The following SPHKAP variants were observed in gnomAD, a reference collection of about 807,000 sequenced individuals.
The protein encoded by SPHKAP is SPHK1 interactor, AKAP domain containing.
SPHKAP carries 67 observed loss-of-function variants against 137.5 expected under a neutral mutation model. That is an observed-to-expected ratio of 0.49 (90% CI 0.40 to 0.60). SPHKAP has a LOEUF of 0.60. Among genes scored for constraint, SPHKAP ranks in the 20% least tolerant of loss-of-function variants. The pLI, the probability that SPHKAP is intolerant of heterozygous loss-of-function variation, is 0.00. For synonymous variants in SPHKAP, 813 were observed against 785.3 expected, an observed-to-expected ratio of 1.04 and a Z score of -0.59; for missense variants, 2,097 against 2,069.3, an observed-to-expected ratio of 1.01 and a Z score of -0.26.
At chr2:228,031,865 A>G (rs1051085002) in intron 3 of SPHKAP, among the ~76,000 whole-genome samples, 1 of 152,226 alleles carries the variant, frequency 6.6e-6, no homozygotes, top group African/African-American at 2.4e-5. Context: ...AAGGACATCC[A>G]CACCAAAAAC....
intron 3 of SPHKAP, among the ~76,000 whole-genome samples, chr2:228,062,307 TACAG>T (rs1424257786): frequency 6.6e-6 from 1 of 152,100 alleles, no homozygotes; most frequent in African/African-American, 2.4e-5. Context: ...GTGTTTTTAG[TACAG>T]ACAGTGTTTC....
At chr2:227,981,912 C>T (rs1234586478) in intron 11 of SPHKAP, 52 bp from the exon 12 acceptor site, 2 of 1,562,556 alleles carry the variant, frequency 1.3e-6, no homozygotes, top group East Asian at 2.3e-5. Flanking sequence ...GTCCTCAAAG[C>T]CACCTCATTC....
chr2:228,119,863 C>G (rs1042731971), intron 2 of SPHKAP, among the ~76,000 whole-genome samples: 48 of 151,952 alleles, frequency 3.2e-4, no homozygotes, highest in African/African-American at 1.1e-3. Flanking sequence ...TATTATCCTC[C>G]TTTGACAAAA....
intron 1 of SPHKAP, chr2:228,132,559 G>A (rs888896872): frequency 8.9e-6 from 8 of 901,162 alleles, no homozygotes; most frequent in Non-Finnish European, 1.1e-5. Flanking sequence ...AGAAAATGCA[G>A]GTAATGTCTT....
At chr2:228,096,917 T>C (rs913544274) in intron 3 of SPHKAP, among the ~76,000 whole-genome samples, 1 of 152,074 alleles carries the variant, frequency 6.6e-6, no homozygotes, top group Non-Finnish European at 1.5e-5. Flanking sequence ...ATCCTGGGGG[T>C]GTCACTAGTC....
At chr2:228,167,926 G>A (rs1700466560) in intron 1 of SPHKAP, among the ~76,000 whole-genome samples, 1 of 152,050 alleles carries the variant, frequency 6.6e-6, no homozygotes, top group African/African-American at 2.4e-5. Flanking sequence ...AGTATAAAAT[G>A]TACCAACTGA....
At chr2:228,097,374 T>C (rs1028112875) in intron 3 of SPHKAP, among the ~76,000 whole-genome samples, 1 of 152,246 alleles carries the variant, frequency 6.6e-6, no homozygotes, top group African/African-American at 2.4e-5. Context: ...AATGTCCAGA[T>C]ACATAAAACA....
At chr2:228,014,677 C>T (rs1156806025) in intron 7 of SPHKAP, among the ~76,000 whole-genome samples, 1 of 152,166 alleles carries the variant, frequency 6.6e-6, no homozygotes, top group Admixed American at 6.5e-5. Context: ...ATGATGTCCT[C>T]TAATGGGGAG....
intron 3 of SPHKAP, among the ~76,000 whole-genome samples, chr2:228,038,291 T>C (rs1473532089): frequency 6.6e-6 from 1 of 152,122 alleles, no homozygotes. Flanking sequence ...TGAGGTGAGC[T>C]TGGAGGTCAG....
intron 7 of SPHKAP, among the ~76,000 whole-genome samples, chr2:227,997,690 G>T (rs1320942503): frequency 1.3e-5 from 2 of 152,080 alleles, no homozygotes; most frequent in African/African-American, 4.8e-5. Context: ...CTTTTTAGCT[G>T]GAGCTCTCTC....
At chr2:228,165,830 A>G (rs1205838616) in intron 1 of SPHKAP, among the ~76,000 whole-genome samples, 1 of 152,110 alleles carries the variant, frequency 6.6e-6, no homozygotes, top group Non-Finnish European at 1.5e-5. Flanking sequence ...CACCCCACCT[A>G]CCTTGAATGT....
chr2:228,016,321 TTA>T lies in SPHKAP; in HGVS notation c.4448+83_4448+84del, dbSNP rs1694588495. ...TTAGTTCTTGCACCAATCAAATCCT[TTA>T]TGTCTAAAATTTAGACTAAACACTG... On this transcript the variant is annotated intron_variant, in intron 7 of 11. Coordinates refer to ENST00000392056, the MANE Select transcript of SPHKAP (RefSeq NM_001142644.2). The T allele has an allele frequency of 8.1e-6, 12 of 1,486,186 alleles. 1 individual carries two copies. In the South Asian group the frequency reaches 1.7e-4, roughly 22 times the overall value. 92.1% of individuals were successfully genotyped at this position (1,486,186 alleles called of 1,614,324 possible). A position where few individuals can be genotyped will look rare whatever the true frequency, so the allele number is the denominator to read the frequency against.
chr2:227,981,973 A>G (rs1693012736), intron 11 of SPHKAP, 113 bp from the exon 12 acceptor site: 3 of 1,393,480 alleles, frequency 2.2e-6, no homozygotes, highest in Non-Finnish European at 1.9e-6. Context: ...AAATGTCTCT[A>G]GTGTCAGAGG....
At chr2:228,060,467 T>C (rs1429334063) in intron 3 of SPHKAP, among the ~76,000 whole-genome samples, 1 of 152,126 alleles carries the variant, frequency 6.6e-6, no homozygotes, top group Non-Finnish European at 1.5e-5. Flanking sequence ...AAATTTCCAT[T>C]TGGTTTAAAG....
chr2:228,082,473 G>A (rs543414248), intron 3 of SPHKAP, among the ~76,000 whole-genome samples: 20 of 152,182 alleles, frequency 1.3e-4, no homozygotes, highest in Non-Finnish European at 2.6e-4. Flanking sequence ...ATTAACAGGT[G>A]ATAAGTGGGC....
rs61752225 is a variant in SPHKAP at position 228,019,814 on chromosome 2, G to A, written c.1040C>T (p.Ser347Phe). The A allele has an allele frequency of 3.2e-3, 5,245 of 1,614,114 alleles. 25 individuals are homozygous for A. The highest frequency in any genetic ancestry group is 0.013 in the Middle Eastern group (79 of 6,062). ...AGAAGGTACATCTTTATCCATCATG[G>A]AGAAATAAGCATCTTTTGGAATATA... ...ALYIPKDAYF[S>F]MMDKDVPSAC... Residue 347 changes from serine to phenylalanine, a missense_variant, in exon 7 of 12, where the codon TCC becomes TTC. By Grantham distance (155) the Ser-to-Phe change is radical. Coordinates refer to ENST00000392056, the MANE Select transcript of SPHKAP (RefSeq NM_001142644.2).
intron 3 of SPHKAP, among the ~76,000 whole-genome samples, chr2:228,085,699 T>C (rs1403705324): frequency 6.6e-6 from 1 of 152,234 alleles, no homozygotes; most frequent in Non-Finnish European, 1.5e-5. Context: ...AAAAAGGCTT[T>C]TAATGGCTTC....
At chr2:228,176,334 A>G (rs112704187) in intron 1 of SPHKAP, among the ~76,000 whole-genome samples, 10 of 152,340 alleles carry the variant, frequency 6.6e-5, no homozygotes, top group African/African-American at 2.4e-4. Flanking sequence ...ACCTCTTTCA[A>G]GAGAGTAAGA....
intron 3 of SPHKAP, among the ~76,000 whole-genome samples, chr2:228,091,649 C>G (rs1697736761): frequency 6.6e-6 from 1 of 151,696 alleles, no homozygotes; most frequent in Non-Finnish European, 1.5e-5. Flanking sequence ...TACAAATGGC[C>G]AAGAAACATT....
Sources: gnomAD v4.1 joint callset for allele counts (sites outside exome capture counted in the v4.1 genomes callset) on GRCh38, gnomAD v4.1.1 for gene constraint, MANE v1.5 for transcripts, NCBI Gene and HGNC (gene_info 2026-07-23, HGNC 2026-07-21) for gene names.